The following ZNF565 variants were observed in gnomAD, a reference collection of about 807,000 sequenced individuals.
ZNF565 encodes zinc finger protein 565.
ZNF565 carries 27 observed loss-of-function variants against 39.4 expected under a neutral mutation model. The observed-to-expected ratio is 0.69, with a 90% CI of 0.51 to 0.95. The LOEUF is 0.95. Among genes scored for constraint, ZNF565 ranks in the 40% least tolerant of loss-of-function variants. The probability of loss-of-function intolerance (pLI) is 0.00; values close to 1 mark genes in which losing one functional copy is unlikely to be tolerated. For synonymous variants in ZNF565, 185 were observed against 216.6 expected, an observed-to-expected ratio of 0.85 and a Z score of 1.28; for missense variants, 524 against 621.1, an observed-to-expected ratio of 0.84 and a Z score of 1.66.
chr19:36,207,821 T>C (rs148538604), intron 1 of ZNF565, among the ~76,000 whole-genome samples: 45 of 152,328 alleles, frequency 3.0e-4, no homozygotes, highest in African/African-American at 8.4e-4. Flanking sequence ...TTTCTCTTCA[T>C]GCATGTGGTG....
chr19:36,211,527 C>T (rs530975835), intron 1 of ZNF565, among the ~76,000 whole-genome samples: 1 of 151,976 alleles, frequency 6.6e-6, no homozygotes, highest in East Asian at 1.9e-4. Flanking sequence ...GGCGCGGTGG[C>T]TCACGCCTGT....
At chr19:36,244,870 A>G (rs1600011607) in intron 1 of ZNF565, among the ~76,000 whole-genome samples, 2 of 144,416 alleles carry the variant, frequency 1.4e-5, no homozygotes, top group East Asian at 2.0e-4. Flanking sequence ...AAAAAAAAGG[A>G]ATTGTCGAAT....
In ZNF565 at chr19:36,195,106, C is replaced by G. The variant is rs1191528825; in HGVS notation, c.60G>C (p.Trp20Cys). 1.2e-6 allele frequency: 2 copies of G among 1,614,150 alleles called. No homozygotes were observed. Among genetic ancestry groups the G allele is most frequent in the Non-Finnish European group, 1.7e-6 (2 of 1,180,040 alleles). The change falls in exon 3 of 5, where the codon TGG becomes TGC. Residue 20 changes from tryptophan to cysteine, a missense_variant. Transcript: ENST00000304116. ...CCCTCTGAGCAGGTTCCAGGCACTT[C>G]CATTCTTCCAGAGAGAACTCTATGG... is the stretch of plus-strand genomic sequence containing the variant. ...DVAIEFSLEE[W>C]KCLEPAQRDL...
intron 4 of ZNF565, among the ~76,000 whole-genome samples, chr19:36,191,068 T>G (rs1975522401): frequency 1.3e-5 from 2 of 150,464 alleles, no homozygotes; most frequent in African/African-American, 4.9e-5. Context: ...TAGGGTTTGT[T>G]GAACACATAA....
chr19:36,233,431 A>C (rs1335190647), intron 1 of ZNF565, among the ~76,000 whole-genome samples: 1 of 152,114 alleles, frequency 6.6e-6, no homozygotes, highest in Non-Finnish European at 1.5e-5. Context: ...AGAAAGAGAC[A>C]CAGAAACAAA....
chr19:36,201,972 C>G lies in ZNF565; in HGVS notation c.9+5G>C. On this transcript the variant is annotated splice_donor_5th_base_variant and intron_variant, in intron 2 of 4. Coordinates refer to ENST00000304116, the MANE Select transcript of ZNF565 (RefSeq NM_152477.5). ...ATTCTAAGGATAGAAGGAATTTCAA[C>G]ATACCTGGGCCATGGCTTTTAGAAC... 1 of 1,613,852 alleles carries G rather than the reference C, an allele frequency of 6.2e-7. No individual in the cohort carries two copies. Among genetic ancestry groups the G allele is most frequent in the South Asian group, 1.1e-5 (1 of 91,046 alleles).
chr19:36,194,788 T>C (rs8102020), intron 3 of ZNF565: 370,412 of 604,952 alleles, frequency 0.61, 114,746 homozygotes, highest in African/African-American at 0.75. Context: ...TGGAGATCAG[T>C]GGACAGGAGG....
chr19:36,239,641 A>G (rs960721117), intron 1 of ZNF565, among the ~76,000 whole-genome samples: 1 of 152,184 alleles, frequency 6.6e-6, no homozygotes, highest in Non-Finnish European at 1.5e-5. Context: ...TATTTTTAAA[A>G]AGAGAAAACA....
chr19:36,204,397 A>G (rs577109075), intron 1 of ZNF565, among the ~76,000 whole-genome samples: 1 of 152,346 alleles, frequency 6.6e-6, no homozygotes, highest in Admixed American at 6.5e-5. Flanking sequence ...TGCAGTGGCA[A>G]AAACACTGGA....
chr19:36,212,599 G>T (rs1009860672), intron 1 of ZNF565, among the ~76,000 whole-genome samples: 3 of 151,704 alleles, frequency 2.0e-5, no homozygotes, highest in African/African-American at 7.3e-5. Context: ...TCCAGCATGG[G>T]TGACAGAGCA....
chr19:36,238,623 CATGTT>C (rs1203211506), intron 1 of ZNF565: 4 of 167,086 alleles, frequency 2.4e-5, no homozygotes, highest in Admixed American at 6.5e-5. Flanking sequence ...CTGTGGAAGT[CATGTT>C]ATACTGGATT....
intron 1 of ZNF565, among the ~76,000 whole-genome samples, chr19:36,214,075 T>TA: frequency 6.6e-6 from 1 of 151,798 alleles, no homozygotes; most frequent in Non-Finnish European, 1.5e-5. Context: ...ACTGTGGACA[T>TA]ACACACAGTC....
chr19:36,190,576 CAAAAAAAAAAAATTA>C, intron 4 of ZNF565, among the ~76,000 whole-genome samples: 1 of 97,386 alleles, frequency 1.0e-5, no homozygotes, highest in East Asian at 3.0e-4. Flanking sequence ...AACTCCATCT[CAAAAAAAAAAAATTA>C]AAAAAAAAAA....
chr19:36,233,706 A>G (rs534365263), intron 1 of ZNF565, among the ~76,000 whole-genome samples: 1 of 152,180 alleles, frequency 6.6e-6, no homozygotes, highest in African/African-American at 2.4e-5. Context: ...AAACATCTCA[A>G]TGCCTTAAAG....
chr19:36,211,046 AAG>A (rs149631269), intron 1 of ZNF565, among the ~76,000 whole-genome samples: 2,214 of 152,260 alleles, frequency 0.015, 48 homozygotes, highest in African/African-American at 0.05. Flanking sequence ...TATAGAATAA[AAG>A]AGATTATAAC....
intron 1 of ZNF565, among the ~76,000 whole-genome samples, chr19:36,212,630 A>C (rs1000228624): frequency 6.6e-6 from 1 of 152,178 alleles, no homozygotes; most frequent in African/African-American, 2.4e-5. Flanking sequence ...TCAAAAAAAA[A>C]AAAAGAGCAA....
intron 1 of ZNF565, among the ~76,000 whole-genome samples, chr19:36,227,109 C>T (rs983732042): frequency 1.2e-4 from 18 of 149,928 alleles, no homozygotes; most frequent in Admixed American, 4.0e-4. Flanking sequence ...TTTTTTTTGG[C>T]TGGGCGCAGT....
chr19:36,189,652 T>A (rs1400730850), intron 4 of ZNF565, among the ~76,000 whole-genome samples: 1 of 152,008 alleles, frequency 6.6e-6, no homozygotes. Context: ...ATCACAATTT[T>A]TAAAAATCTA....
rs138948930 is a variant in ZNF565 at position 36,189,301 on chromosome 19, A to G, written c.232+4932T>C. On this transcript the variant is annotated intron_variant, in intron 4 of 4. Coordinates refer to ENST00000304116, the MANE Select transcript of ZNF565 (RefSeq NM_152477.5). ...CAGAACCTGTCTCACAAAAATAAAT[A>G]AATAAATATTATGTAATTTTTTTTT... Among the ~76,000 whole-genome samples, 8 of 151,912 alleles carry G rather than the reference A, an allele frequency of 5.3e-5. No individual in the cohort carries two copies. In the East Asian group the frequency reaches 1.6e-3, roughly 30 times the overall value.
Sources: gnomAD v4.1 joint callset for allele counts (sites outside exome capture counted in the v4.1 genomes callset) on GRCh38, gnomAD v4.1.1 for gene constraint, MANE v1.5 for transcripts, NCBI Gene and HGNC (gene_info 2026-07-23, HGNC 2026-07-21) for gene names.